The following PDZD2 variants were observed in gnomAD, a reference collection of about 807,000 sequenced individuals.
The protein encoded by PDZD2 is PDZ domain-containing protein 2.
PDZD2 carries 90 observed loss-of-function variants against 220.7 expected under a neutral mutation model. The observed-to-expected ratio is 0.41, with a 90% CI of 0.34 to 0.49. PDZD2 has a LOEUF of 0.49. Among genes scored for constraint, PDZD2 ranks in the 20% least tolerant of loss-of-function variants. PDZD2 has a pLI of 0.28. For missense variants in PDZD2, 3,174 were observed against 3,608.5 expected (o/e 0.88, Z 3.08); for synonymous variants, 1,375 against 1,450.5 (o/e 0.95, Z 1.18).
intron 2 of PDZD2, among the ~76,000 whole-genome samples, chr5:31,923,695 T>C (rs891448493): frequency 3.3e-5 from 5 of 152,194 alleles, no homozygotes; most frequent in Non-Finnish European, 7.3e-5. Context: ...TACTAACTTA[T>C]GATAGAATGT....
chr5:31,987,258 CATGACTGGCATGGGT>C (rs1481339749), intron 3 of PDZD2, among the ~76,000 whole-genome samples: 8 of 152,326 alleles, frequency 5.3e-5, no homozygotes, highest in Admixed American at 3.9e-4. Context: ...CAAGTTTATT[CATGACTGGCATGGGT>C]ATGTCTATGG....
intron 1 of PDZD2, among the ~76,000 whole-genome samples, chr5:31,766,247 A>T (rs780215704): frequency 2.6e-4 from 39 of 152,228 alleles, no homozygotes; most frequent in Admixed American, 4.6e-4. Flanking sequence ...TGTCAGGAAA[A>T]AACAAACAAA....
In PDZD2 at chr5:32,089,003, C is replaced by G; in HGVS notation, c.5555C>G (p.Pro1852Arg). 6.2e-7 allele frequency: 1 copy of G among 1,613,998 alleles called. No individual in the cohort carries two copies. The highest frequency in any genetic ancestry group is 8.5e-7 in the Non-Finnish European group (1 of 1,180,014). Residue 1852 changes from proline to arginine, a missense_variant, in exon 20 of 25, where the codon CCT becomes CGT. Around this residue, in one of 4 missense-constraint regions of PDZD2, gnomAD observed 1,861 missense variants for 2,001.0 expected, o/e 0.93. Transcript: ENST00000438447. ...KKGVTVPHSPPQPKTNLENKD... is the reference protein window; with the variant it reads ...KKGVTVPHSPRQPKTNLENKD... ...GGCGTTACTGTGCCTCATAGCCCTCCTCAGCCGAAAACAAACCTGGAAAAT... is the reference window on the plus strand; with the variant it reads ...GGCGTTACTGTGCCTCATAGCCCTCGTCAGCCGAAAACAAACCTGGAAAAT...
chr5:31,859,702 C>T (rs1402204084), intron 2 of PDZD2, among the ~76,000 whole-genome samples: 1 of 152,100 alleles, frequency 6.6e-6, no homozygotes, highest in Non-Finnish European at 1.5e-5. Context: ...CTTCAAATGT[C>T]TGATGATCCT....
chr5:31,991,536 A>G (rs1751207844), intron 3 of PDZD2, among the ~76,000 whole-genome samples: 1 of 152,190 alleles, frequency 6.6e-6, no homozygotes. Flanking sequence ...TAAGAGAGGA[A>G]AAAAGTCCAG....
At chr5:31,972,420 G>A (rs1208391736) in intron 2 of PDZD2, among the ~76,000 whole-genome samples, 3 of 151,524 alleles carry the variant, frequency 2.0e-5, no homozygotes, top group Non-Finnish European at 2.9e-5. Flanking sequence ...AGCCTTTTCA[G>A]TGTTTTCTAT....
At chr5:31,668,234 T>G (rs914332340) in intron 1 of PDZD2, among the ~76,000 whole-genome samples, 1 of 152,234 alleles carries the variant, frequency 6.6e-6, no homozygotes, top group Non-Finnish European at 1.5e-5. Context: ...TACAGGAATT[T>G]GCTTTTCGGT....
At chr5:32,041,755 T>C (rs868611682) in intron 7 of PDZD2, among the ~76,000 whole-genome samples, 1 of 151,966 alleles carries the variant, frequency 6.6e-6, no homozygotes, top group South Asian at 2.1e-4. Flanking sequence ...TTTGTTCACG[T>C]GTTTATCTGC....
intron 2 of PDZD2, among the ~76,000 whole-genome samples, chr5:31,805,087 C>G (rs913114031): frequency 6.6e-6 from 1 of 152,116 alleles, no homozygotes; most frequent in African/African-American, 2.4e-5. Flanking sequence ...CCCAGCTACT[C>G]GGGAGGCTTA....
Position 32,066,188 on chromosome 5 carries a change from C to CA in PDZD2, c.2452-3373dup, listed in dbSNP as rs374845990. On this transcript the variant is annotated intron_variant, in intron 14 of 24. Transcript: ENST00000438447. ...TGAAACCCCATCTCTACTAAAAATA[C>CA]AAAAAAAATTGTCAGGTGTGGTGGT... 3.3e-3 allele frequency among the ~76,000 whole-genome samples: 491 copies of CA among 150,886 alleles called. 4 individuals are homozygous for CA. Among genetic ancestry groups the CA allele is most frequent in the African/African-American group, 0.011 (453 of 41,048 alleles).
chr5:31,671,240 A>AGAT (rs932802896), intron 1 of PDZD2, among the ~76,000 whole-genome samples: 12 of 152,328 alleles, frequency 7.9e-5, no homozygotes, highest in African/African-American at 2.6e-4. Context: ...AACCAAAAAG[A>AGAT]GATGATGATT....
intron 5 of PDZD2, among the ~76,000 whole-genome samples, chr5:32,006,118 G>C (rs1162457129): frequency 6.7e-6 from 1 of 148,738 alleles, no homozygotes; most frequent in Non-Finnish European, 1.5e-5. Context: ...CTGCACTCCA[G>C]CCTGGGTGAC....
chr5:31,658,983 G>A (rs575675859), intron 1 of PDZD2, among the ~76,000 whole-genome samples: 1 of 152,190 alleles, frequency 6.6e-6, no homozygotes, highest in East Asian at 1.9e-4. Context: ...TTTGCTCCCA[G>A]TTCTTCCTTG....
intron 2 of PDZD2, among the ~76,000 whole-genome samples, chr5:31,944,948 A>C (rs1357303755): frequency 6.6e-6 from 1 of 152,212 alleles, no homozygotes; most frequent in Non-Finnish European, 1.5e-5. Context: ...GATCCCATAC[A>C]TGTGTGCGGA....
chr5:31,910,740 G>C (rs1743124211), intron 2 of PDZD2, among the ~76,000 whole-genome samples: 1 of 151,458 alleles, frequency 6.6e-6, no homozygotes. Flanking sequence ...ATGTTGGCCA[G>C]GCTGGTCTCG....
intron 1 of PDZD2, among the ~76,000 whole-genome samples, chr5:31,663,927 G>A (rs1231299651): frequency 6.6e-6 from 1 of 152,120 alleles, no homozygotes; most frequent in East Asian, 1.9e-4. Flanking sequence ...GAGTGTGATG[G>A]CGTATGGCAA....
intron 2 of PDZD2, among the ~76,000 whole-genome samples, chr5:31,953,497 G>A (rs1056424579): frequency 6.6e-6 from 1 of 152,036 alleles, no homozygotes; most frequent in Non-Finnish European, 1.5e-5. Flanking sequence ...AAACTAAACC[G>A]ATGTGTGCTA....
chr5:32,089,870 C>G lies in PDZD2; in HGVS notation c.6422C>G (p.Thr2141Arg). 6.2e-7 allele frequency: 1 copy of G among 1,613,164 alleles called. No individual in the cohort carries two copies. Residue 2141 changes from threonine to arginine, a missense_variant, in exon 20 of 25, where the codon ACA (threonine) becomes AGA (arginine). This residue lies in a region of PDZD2 where 1,861 missense variants were observed against 2,001.0 expected (regional missense o/e 0.93). Transcript: ENST00000438447. ...RLYRQVAESS[T>R]SHPSSLPSHA... Reference sequence around the variant, plus strand: ...TATCGCCAGGTCGCAGAATCATCCACAAGTCATCCATCCTCACTCCCATCT... The same window carrying G: ...TATCGCCAGGTCGCAGAATCATCCAGAAGTCATCCATCCTCACTCCCATCT...
chr5:31,972,722 C>T (rs1195223506), intron 2 of PDZD2, among the ~76,000 whole-genome samples: 1 of 152,164 alleles, frequency 6.6e-6, no homozygotes, highest in African/African-American at 2.4e-5. Context: ...CATATGTGTT[C>T]TGATGTTCCT....
Sources: allele counts gnomAD v4.1 joint callset (sites outside exome capture counted in the v4.1 genomes callset), GRCh38; gene constraint gnomAD v4.1.1; regional missense constraint gnomAD v4.1.1; transcripts MANE v1.5; gene names NCBI Gene and HGNC (gene_info 2026-07-23, HGNC 2026-07-21).